Variants in PREX2 observed in about 807,000 individuals in gnomAD.
PREX2 encodes phosphatidylinositol 3,4,5-trisphosphate-dependent Rac exchanger 2 protein.
A neutral mutation model predicts 203.2 loss-of-function variants in PREX2; 107 were observed. That is an observed-to-expected ratio of 0.53 (90% CI 0.45 to 0.62). PREX2 has a LOEUF of 0.62. Ranked by LOEUF, PREX2 falls within the 20% of genes least tolerant of loss-of-function variation. The probability of loss-of-function intolerance (pLI) is 0.00; values close to 1 mark genes in which losing one functional copy is unlikely to be tolerated. For missense variants in PREX2, 1,777 were observed against 1,955.9 expected (o/e 0.91, Z 1.72); for synonymous variants, 672 against 663.6 (o/e 1.01, Z -0.19).
intron 35 of PREX2, among the ~76,000 whole-genome samples, chr8:68,182,017 C>G (rs921366828): frequency 6.6e-6 from 1 of 151,948 alleles, no homozygotes; most frequent in African/African-American, 2.4e-5. Context: ...TTGAAAGATA[C>G]AGGCAAAGTT....
chr8:68,093,653 G>A lies in PREX2; in HGVS notation c.2299G>A (p.Asp767Asn). The change falls in exon 21 of 40, where the codon GAC becomes AAC. Residue 767 changes from aspartate to asparagine, a missense_variant. Physicochemically the swap from Asp to Asn is conservative, Grantham distance 23 (BLOSUM62 1). Transcript: ENST00000288368. ...VYNSIESAQE[D>N]LQKSHSKPPG... is the part of the protein sequence containing the mutation. The stretch of plus-strand genomic sequence containing the variant: ...TAATAGCATTGAGAGTGCTCAAGAA[G>A]ACCTTCAAAAATCTCACTCCAAGCC... 1 of 1,611,878 alleles carries A rather than the reference G, an allele frequency of 6.2e-7. No individual in the cohort carries two copies.
chr8:68,196,469 A>G (rs1031155193), intron 37 of PREX2, among the ~76,000 whole-genome samples: 1 of 146,958 alleles, frequency 6.8e-6, no homozygotes, highest in South Asian at 2.1e-4. Context: ...GAGACACTAT[A>G]TATATGTACA....
chr8:68,208,742 G>A (rs1051196154), intron 37 of PREX2, among the ~76,000 whole-genome samples: 25 of 152,122 alleles, frequency 1.6e-4, no homozygotes, highest in Admixed American at 2.0e-4. Flanking sequence ...GTGTTCAGAT[G>A]TTGCTTTGGA....
At chr8:68,158,592 C>T (rs974187341) in intron 35 of PREX2, among the ~76,000 whole-genome samples, 1 of 152,058 alleles carries the variant, frequency 6.6e-6, no homozygotes, top group Non-Finnish European at 1.5e-5. Flanking sequence ...TTGTTAAGCT[C>T]TAGGGTGTGG....
chr8:68,031,729 G>A (rs1455666996), intron 6 of PREX2, among the ~76,000 whole-genome samples: 2 of 152,150 alleles, frequency 1.3e-5, no homozygotes, highest in Non-Finnish European at 2.9e-5. Flanking sequence ...CTTTCAGGCG[G>A]CTAAAATGGT....
At chr8:68,196,725 C>A (rs1296160438) in intron 37 of PREX2, among the ~76,000 whole-genome samples, 3 of 111,546 alleles carry the variant, frequency 2.7e-5, no homozygotes, top group African/African-American at 8.5e-5. Flanking sequence ...TATGGCACCT[C>A]CCCCCCCCAA....
At chr8:68,083,435 T>G in intron 18 of PREX2, 47 bp downstream of exon 18, 2 of 1,401,040 alleles carry the variant, frequency 1.4e-6, no homozygotes, top group South Asian at 1.3e-5. Context: ...TATACATAGA[T>G]AAGTAACACA....
chr8:68,120,123 T>C (rs1310209873), intron 28 of PREX2, 73 bp from the exon 29 acceptor site: 1 of 982,234 alleles, frequency 1.0e-6, no homozygotes, highest in Admixed American at 2.3e-5. Context: ...AAATATTTTA[T>C]AAGATTTACT....
At chr8:68,032,620 G>T (rs1807916998) in intron 6 of PREX2, among the ~76,000 whole-genome samples, 1 of 152,180 alleles carries the variant, frequency 6.6e-6, no homozygotes, top group Admixed American at 6.5e-5. Context: ...GAGTTCAGGA[G>T]AAATTGCTAG....
chr8:68,194,547 G>A (rs756529496), intron 37 of PREX2, among the ~76,000 whole-genome samples: 4 of 151,814 alleles, frequency 2.6e-5, no homozygotes, highest in Non-Finnish European at 4.4e-5. Context: ...TGGCACTTCC[G>A]GAAGCTCAGG....
chr8:68,164,338 C>T (rs1187332157), intron 35 of PREX2, among the ~76,000 whole-genome samples: 1 of 146,920 alleles, frequency 6.8e-6, no homozygotes. Context: ...AGCAGAAAGG[C>T]CTTAATATGT....
At chr8:68,182,776 C>T (rs1412045261) in intron 35 of PREX2, among the ~76,000 whole-genome samples, 1 of 151,806 alleles carries the variant, frequency 6.6e-6, no homozygotes, top group Non-Finnish European at 1.5e-5. Flanking sequence ...AAATGGGTCT[C>T]TGCCCACTGA....
chr8:68,005,485 A>G (rs1208386617), intron 1 of PREX2, among the ~76,000 whole-genome samples: 1 of 152,198 alleles, frequency 6.6e-6, no homozygotes, highest in African/African-American at 2.4e-5. Context: ...CACCCAGGCC[A>G]TCCATGACCT....
rs1245779435 is a variant in PREX2, at chr8:68,236,179, A to G, written c.*4801A>G. ...ACCTGGTCTTTTGATCACTGACACTACTTTGCTGTTCAATCTGGAATCAAC... is the reference window on the plus strand; with the variant it reads ...ACCTGGTCTTTTGATCACTGACACTGCTTTGCTGTTCAATCTGGAATCAAC... On this transcript the variant is annotated 3_prime_UTR_variant, in exon 40 of 40. Coordinates refer to ENST00000288368, the MANE Select transcript of PREX2 (RefSeq NM_024870.4). 2.0e-5 allele frequency: 3 copies of G among 152,066 alleles called. No individual in the cohort carries two copies. The highest frequency in any genetic ancestry group is 4.4e-5 in the Non-Finnish European group (3 of 68,008). The allele number at this position is 152,066 out of a possible 1,614,324, so 9.4% of individuals were successfully genotyped here.
rs374391319 is a variant in PREX2, at chr8:68,069,861, T to C, written c.1470T>C (p.His490=). ...GTGTAAGATTATATTGTCGTCTTCATAGCCTTTTTACTCCAGTGATAAGGT... is the reference window on the plus strand; with the variant it reads ...GTGTAAGATTATATTGTCGTCTTCACAGCCTTTTTACTCCAGTGATAAGGT... ...SKGVRLYCRL[H]SLFTPVIRDK... is the part of the protein sequence containing the mutation. The change falls in exon 13 of 40, where the codon CAT becomes CAC. Residue 490 remains histidine (H), a synonymous_variant. Coordinates refer to ENST00000288368, the MANE Select transcript of PREX2 (RefSeq NM_024870.4). 1.6e-5 allele frequency: 25 copies of C among 1,557,850 alleles called. No homozygotes were observed. In the African/African-American group the frequency reaches 2.3e-4, roughly 14 times the overall value.
Position 68,134,283 on chromosome 8 carries a change from A to G in PREX2, c.3984+7A>G. ...ACTTCTGTCACCAAACTTGGTAAGG[A>G]AATCACATGACTCCCACTGTCTGTG... On this transcript the variant is annotated splice_region_variant and intron_variant, in intron 32 of 39. Transcript: ENST00000288368. The G allele has an allele frequency of 6.2e-7, 1 of 1,604,724 alleles. No individual in the cohort carries two copies. Among genetic ancestry groups the G allele is most frequent in the Non-Finnish European group, 8.5e-7 (1 of 1,171,700 alleles).
At chr8:68,084,633 A>G (rs34290364) in intron 18 of PREX2, among the ~76,000 whole-genome samples, 26,206 of 151,996 alleles carry the variant, frequency 0.17, 2,302 homozygotes, top group East Asian at 0.29. Flanking sequence ...CCTGACACTC[A>G]CTTTTTACTA....
chr8:68,104,266 C>T (rs1231956165), intron 23 of PREX2, among the ~76,000 whole-genome samples: 1 of 152,184 alleles, frequency 6.6e-6, no homozygotes, highest in East Asian at 1.9e-4. Flanking sequence ...CACAGTTGTC[C>T]TGAGTGGCTG....
chr8:68,100,096 T>A, intron 23 of PREX2: 1 of 597,174 alleles, frequency 1.7e-6, no homozygotes, highest in Non-Finnish European at 3.2e-6. Flanking sequence ...AGAATTAAAT[T>A]ATTTTCTAGT....
Sources: gnomAD v4.1 joint callset for allele counts (sites outside exome capture counted in the v4.1 genomes callset) on GRCh38, gnomAD v4.1.1 for gene constraint, MANE v1.5 for transcripts, NCBI Gene and HGNC (gene_info 2026-07-23, HGNC 2026-07-21) for gene names.